Variants in GDAP1 observed in about 807,000 individuals in gnomAD.
GDAP1 encodes the protein ganglioside induced differentiation associated protein 1.
A neutral mutation model predicts 40.1 loss-of-function variants in GDAP1; 34 were observed. The ratio of observed to expected loss-of-function variants is 0.85; its 90% CI spans 0.64 to 1.13. The LOEUF (loss-of-function observed/expected upper bound fraction) is 1.13. Ranked by LOEUF, GDAP1 falls within the 50% of genes most tolerant of loss-of-function variation. The pLI, the probability that GDAP1 is intolerant of heterozygous loss-of-function variation, is 0.00. For synonymous variants in GDAP1, 170 were observed against 157.4 expected (o/e 1.08, Z -0.60); for missense variants, 374 against 433.7 (o/e 0.86, Z 1.22).
intron 1 of GDAP1, 145 bp downstream of exon 1, chr8:74,350,723 G>A (rs1186230429): frequency 4.2e-6 from 3 of 714,802 alleles, no homozygotes; most frequent in African/African-American, 3.5e-5. Flanking sequence ...CCTCCAGGCG[G>A]GGACGCGCCC....
intron 2 of GDAP1, among the ~76,000 whole-genome samples, chr8:74,416,922 G>GTTTTTTTTTTT (rs1379292544): frequency 2.0e-5 from 2 of 102,148 alleles, no homozygotes; most frequent in African/African-American, 8.9e-5. Flanking sequence ...TTGTTTTTTT[G>GTTTTTTTTTTT]TTTTTTGTTT....
intron 2 of GDAP1, among the ~76,000 whole-genome samples, chr8:74,443,505 G>A (rs780280564): frequency 2.6e-5 from 4 of 152,124 alleles, no homozygotes; most frequent in Admixed American, 6.5e-5. Flanking sequence ...AAGCCCAGGC[G>A]TGGTGGAGCA....
At chr8:74,477,173 G>T (rs777541053) in intron 2 of GDAP1, among the ~76,000 whole-genome samples, 6 of 152,128 alleles carry the variant, frequency 3.9e-5, no homozygotes, top group Non-Finnish European at 8.8e-5. Flanking sequence ...TATTTTGTCT[G>T]TCAGCTCCTG....
At chr8:74,386,212 T>C (rs1042153442) in intron 2 of GDAP1, among the ~76,000 whole-genome samples, 7 of 151,034 alleles carry the variant, frequency 4.6e-5, no homozygotes, top group African/African-American at 7.4e-5. Flanking sequence ...CATTTGTCAA[T>C]TTTGGCTTTT....
At chr8:74,360,598 A>G (rs1016144583) in intron 3 of GDAP1, among the ~76,000 whole-genome samples, 4 of 152,226 alleles carry the variant, frequency 2.6e-5, no homozygotes. Flanking sequence ...AGTAAAGAAT[A>G]TAACATGTTC....
At chr8:74,373,817 G>A (rs899121236) in intron 2 of GDAP1, among the ~76,000 whole-genome samples, 5 of 152,142 alleles carry the variant, frequency 3.3e-5, no homozygotes, top group African/African-American at 7.2e-5. Context: ...GTGAGAGAGG[G>A]CATCCCTGTC....
intron 2 of GDAP1, among the ~76,000 whole-genome samples, chr8:74,434,585 G>A (rs1806066483): frequency 6.6e-6 from 1 of 152,196 alleles, no homozygotes; most frequent in African/African-American, 2.4e-5. Flanking sequence ...TATGGCATGA[G>A]TTCTCATTCT....
At chr8:74,458,749 A>T (rs1373265410) in intron 2 of GDAP1, among the ~76,000 whole-genome samples, 1 of 152,098 alleles carries the variant, frequency 6.6e-6, no homozygotes, top group Non-Finnish European at 1.5e-5. Flanking sequence ...TTATTTGGAG[A>T]TAGAGTCTTT....
At chr8:74,367,347 G>A (rs1809677170), downstream of GDAP1, among the ~76,000 whole-genome samples, 1 of 152,128 alleles carries the variant, frequency 6.6e-6, no homozygotes, top group Non-Finnish European at 1.5e-5. Context: ...AGCTTAGTAA[G>A]CTTAGCCATT....
chr8:74,350,680 C>A, intron 1 of GDAP1, 102 bp downstream of exon 1: 1 of 842,138 alleles, frequency 1.2e-6, no homozygotes, highest in Non-Finnish European at 2.0e-6. Flanking sequence ...CCTAGAAATC[C>A]GCCTCCAGTG....
downstream of GDAP1, among the ~76,000 whole-genome samples, chr8:74,369,045 C>T (rs1239775723): frequency 1.3e-5 from 2 of 152,148 alleles, no homozygotes; most frequent in East Asian, 3.9e-4. Context: ...TTGATTTCTG[C>T]CAAGTCAGAG....
chr8:74,351,241 A>C (rs534885395), intron 1 of GDAP1, 33 bp from the exon 2 acceptor site: 1 of 1,571,672 alleles, frequency 6.4e-7, no homozygotes, highest in South Asian at 1.1e-5. Flanking sequence ...GAAAGCTTAC[A>C]TGTGTTGTAG....
chr8:74,433,291 A>G, intron 2 of GDAP1, among the ~76,000 whole-genome samples: 1 of 152,304 alleles, frequency 6.6e-6, no homozygotes, highest in East Asian at 1.9e-4. Context: ...TACTCCTTGA[A>G]TGTCTGTTTC....
chr8:74,461,000 T>C (rs1197245275), intron 2 of GDAP1, among the ~76,000 whole-genome samples: 1 of 152,052 alleles, frequency 6.6e-6, no homozygotes, highest in Non-Finnish European at 1.5e-5. Context: ...GGGTATTCTC[T>C]ATCCTCTTGG....
At chr8:74,398,660 A>T (rs1173087230) in intron 2 of GDAP1, among the ~76,000 whole-genome samples, 1 of 152,158 alleles carries the variant, frequency 6.6e-6, no homozygotes, top group African/African-American at 2.4e-5. Flanking sequence ...GTTTTTGCCC[A>T]TTCAGTATGA....
intron 2 of GDAP1, among the ~76,000 whole-genome samples, chr8:74,402,492 A>T (rs1446943454): frequency 1.3e-5 from 2 of 149,950 alleles, no homozygotes; most frequent in Non-Finnish European, 2.9e-5. Context: ...GAACTCCCTG[A>T]CCCCTTGCGC....
At chr8:74,427,818 T>C (rs746074175) in intron 2 of GDAP1, among the ~76,000 whole-genome samples, 24 of 152,200 alleles carry the variant, frequency 1.6e-4, no homozygotes, top group Non-Finnish European at 2.8e-4. Context: ...TCCACAATCC[T>C]TTTGTAAGGT....
At chr8:74,400,884 A>G (rs1810319006) in intron 2 of GDAP1, among the ~76,000 whole-genome samples, 1 of 148,944 alleles carries the variant, frequency 6.7e-6, no homozygotes, top group Non-Finnish European at 1.5e-5. Flanking sequence ...ATTGGCCCCC[A>G]CTCTCTTCTG....
chr8:74,426,356 A>T (rs1458176653), intron 2 of GDAP1, among the ~76,000 whole-genome samples: 2 of 152,212 alleles, frequency 1.3e-5, no homozygotes, highest in Non-Finnish European at 2.9e-5. Flanking sequence ...ATCAAACAAG[A>T]AGGTTGAGTA....
Sources: allele counts gnomAD v4.1 joint callset (sites outside exome capture counted in the v4.1 genomes callset), GRCh38; gene constraint gnomAD v4.1.1; transcripts MANE v1.5; gene names NCBI Gene and HGNC (gene_info 2026-07-23, HGNC 2026-07-21).